The following ITIH5 variants were observed in gnomAD, a reference collection of about 807,000 sequenced individuals.
The protein encoded by ITIH5 is inter-alpha-trypsin inhibitor heavy chain H5.
ITIH5 carries 65 observed loss-of-function variants against 77.5 expected under a neutral mutation model. The observed-to-expected ratio is 0.84, with a 90% CI of 0.69 to 1.03. ITIH5 has a LOEUF of 1.03. Ranked by LOEUF, ITIH5 falls within the 50% of genes least tolerant of loss-of-function variation. The pLI is 0.00. For synonymous variants in ITIH5, 525 were observed against 494.3 expected (o/e 1.06, Z -0.82); for missense variants, 1,208 against 1,213.1 (o/e 1.00, Z 0.06).
chr10:7,645,106 CTG>C (rs779194995), intron 2 of ITIH5, among the ~76,000 whole-genome samples: 7 of 151,704 alleles, frequency 4.6e-5, no homozygotes, highest in South Asian at 2.1e-4. Flanking sequence ...TTGTAGCAGA[CTG>C]TGCAAGAACT....
intron 7 of ITIH5, among the ~76,000 whole-genome samples, chr10:7,587,828 T>C (rs527498395): frequency 1.3e-5 from 2 of 152,288 alleles, no homozygotes; most frequent in South Asian, 4.1e-4. Context: ...TGAAACACGC[T>C]GTAGGTCTCT....
intron 5 of ITIH5, among the ~76,000 whole-genome samples, chr10:7,634,563 C>T (rs1262541648): frequency 6.6e-6 from 1 of 151,244 alleles, no homozygotes; most frequent in Non-Finnish European, 1.5e-5. Flanking sequence ...GGAAAAATTC[C>T]TCTGAGACAC....
intron 10 of ITIH5, among the ~76,000 whole-genome samples, chr10:7,574,725 A>G (rs544059152): frequency 6.7e-6 from 1 of 149,002 alleles, no homozygotes; most frequent in East Asian, 2.0e-4. Flanking sequence ...CCTGGGAGGC[A>G]GAGCTTGCAG....
At chr10:7,662,014 T>C (rs1190682329) in intron 1 of ITIH5, among the ~76,000 whole-genome samples, 3 of 152,206 alleles carry the variant, frequency 2.0e-5, no homozygotes, top group African/African-American at 7.2e-5. Context: ...TTAAAATTTT[T>C]TAAAAGCAAC....
chr10:7,607,670 A>G (rs1306571245), intron 7 of ITIH5, among the ~76,000 whole-genome samples: 1 of 152,196 alleles, frequency 6.6e-6, no homozygotes, highest in Non-Finnish European at 1.5e-5. Context: ...AAAATTAGCC[A>G]GGTGTGGCGG....
intron 7 of ITIH5, chr10:7,609,299 TGTGG>T: frequency 2.6e-6 from 1 of 383,384 alleles, no homozygotes. Flanking sequence ...ATTTATTGTT[TGTGG>T]GCTGGTAGTT....
At chr10:7,598,331 TA>T (rs1832950859) in intron 7 of ITIH5, among the ~76,000 whole-genome samples, 1 of 152,204 alleles carries the variant, frequency 6.6e-6, no homozygotes, top group Non-Finnish European at 1.5e-5. Context: ...CTGGCCAAAA[TA>T]TTTTTTGGAG....
chr10:7,644,939 CAT>C (rs1327215546), intron 2 of ITIH5, among the ~76,000 whole-genome samples: 56 of 17,214 alleles, frequency 3.3e-3, no homozygotes, highest in African/African-American at 8.0e-3. Flanking sequence ...ATATATATCA[CAT>C]ATATATATAT....
At chr10:7,601,706 C>A (rs1460004300) in intron 7 of ITIH5, among the ~76,000 whole-genome samples, 1 of 152,116 alleles carries the variant, frequency 6.6e-6, no homozygotes, top group Non-Finnish European at 1.5e-5. Flanking sequence ...GACGGCCATC[C>A]CTGAGCAGCA....
At chr10:7,655,737 A>T in intron 1 of ITIH5, 62 bp from the exon 2 acceptor site, 1 of 1,264,804 alleles carries the variant, frequency 7.9e-7, no homozygotes, top group Non-Finnish European at 1.2e-6. Flanking sequence ...ATGAAATATG[A>T]TTGTGAGGTC....
intron 8 of ITIH5, among the ~76,000 whole-genome samples, chr10:7,584,302 T>TC (rs969674101): frequency 4.1e-4 from 56 of 136,338 alleles, no homozygotes; most frequent in African/African-American, 1.4e-3. Context: ...TTTCTTTCTT[T>TC]TTTTTTTCTT....
At chr10:7,644,760 A>ACATATATATCATATATATCACATATATAT (rs1833969581) in intron 2 of ITIH5, among the ~76,000 whole-genome samples, 5 of 134,112 alleles carry the variant, frequency 3.7e-5, no homozygotes, top group East Asian at 2.0e-4. Context: ...CACATATATC[A>ACATATATATCATATATATCACATATATAT]CATATATATC....
At chr10:7,644,393 TATCAC>T (rs1211995623) in intron 2 of ITIH5, among the ~76,000 whole-genome samples, 1 of 145,890 alleles carries the variant, frequency 6.9e-6, no homozygotes, top group African/African-American at 2.5e-5. Context: ...ATATCACATA[TATCAC>T]ATATATCACA....
At chr10:7,659,887 C>A (rs1564284768) in intron 1 of ITIH5, among the ~76,000 whole-genome samples, 1 of 152,144 alleles carries the variant, frequency 6.6e-6, no homozygotes, top group Non-Finnish European at 1.5e-5. Context: ...TTAAGAATTC[C>A]TGATCCTTTT....
intron 8 of ITIH5, among the ~76,000 whole-genome samples, chr10:7,583,074 T>C (rs1432120858): frequency 6.6e-6 from 1 of 152,216 alleles, no homozygotes; most frequent in Non-Finnish European, 1.5e-5. Context: ...AATGTATGCC[T>C]GTATCAAAAT....
chr10:7,663,169 A>T (rs1290606248), intron 1 of ITIH5, among the ~76,000 whole-genome samples: 1 of 152,226 alleles, frequency 6.6e-6, no homozygotes, highest in Non-Finnish European at 1.5e-5. Context: ...GGTGTTCGGC[A>T]CACCTACACT....
At chr10:7,651,827 C>T (rs1250367926) in intron 2 of ITIH5, among the ~76,000 whole-genome samples, 1 of 152,138 alleles carries the variant, frequency 6.6e-6, no homozygotes, top group Non-Finnish European at 1.5e-5. Flanking sequence ...GTCCTCTGCA[C>T]CTTCTGCCCC....
At chr10:7,579,640 G>C in intron 9 of ITIH5, 115 bp downstream of exon 9, 1 of 1,030,872 alleles carries the variant, frequency 9.7e-7, no homozygotes, top group Non-Finnish European at 1.5e-6. Context: ...AGCTATGATC[G>C]TTGTCAGCAG....
At position 7,625,312 on chromosome 10, in the gene ITIH5, T is replaced by C. The variant is rs142479422; in HGVS notation, c.653-8030A>G. ...TATGCAAAGTTGTCCAGTTCATAGA[T>C]GAGACAGAAAGGAGAACAGTGGTTA... On this transcript the variant is annotated intron_variant, in intron 5 of 13. Coordinates refer to ENST00000397146, the MANE Select transcript of ITIH5 (RefSeq NM_030569.7). 2.4e-3 allele frequency among the ~76,000 whole-genome samples: 368 copies of C among 152,176 alleles called. 1 individual carries two copies. The highest frequency in any genetic ancestry group is 4.2e-3 in the Non-Finnish European group (285 of 68,018).
Sources: allele counts gnomAD v4.1 joint callset (sites outside exome capture counted in the v4.1 genomes callset), GRCh38; gene constraint gnomAD v4.1.1; transcripts MANE v1.5; gene names NCBI Gene and HGNC (gene_info 2026-07-23, HGNC 2026-07-21).